PDE1C: variants seen among roughly 807,000 people sequenced by gnomAD.
The protein encoded by PDE1C is dual specificity calcium/calmodulin-dependent 3',5'-cyclic nucleotide phosphodiesterase 1C.
A neutral mutation model predicts 93.1 loss-of-function variants in PDE1C; 62 were observed. That is an observed-to-expected ratio of 0.67 (90% CI 0.54 to 0.82). PDE1C has a LOEUF of 0.82. PDE1C is among the 40% of genes least tolerant of loss of function. The pLI is 0.00. For synonymous variants in PDE1C, 325 were observed against 310.1 expected, an observed-to-expected ratio of 1.05 and a Z score of -0.50; for missense variants, 742 against 884.6, an observed-to-expected ratio of 0.84 and a Z score of 2.04.
At chr7:32,346,935 C>A (rs926381895) in intron 1 of PDE1C, among the ~76,000 whole-genome samples, 2 of 152,222 alleles carry the variant, frequency 1.3e-5, no homozygotes, top group African/African-American at 4.8e-5. Context: ...ACTGTAGGAA[C>A]AGGCATTGAG....
At chr7:31,876,548 C>A (rs1403523592) in intron 5 of PDE1C, among the ~76,000 whole-genome samples, 1 of 152,008 alleles carries the variant, frequency 6.6e-6, no homozygotes, top group Non-Finnish European at 1.5e-5. Flanking sequence ...TATTTATGTT[C>A]CCGATAAAGG....
intron 1 of PDE1C, among the ~76,000 whole-genome samples, chr7:32,319,112 TGCA>T (rs1035809346): frequency 1.3e-5 from 2 of 152,240 alleles, no homozygotes; most frequent in Admixed American, 1.3e-4. Context: ...ACCCGGGAGC[TGCA>T]GTCCTCCGCA....
chr7:32,166,055 A>T (rs923781197), intron 3 of PDE1C, among the ~76,000 whole-genome samples: 3 of 151,994 alleles, frequency 2.0e-5, no homozygotes, highest in African/African-American at 4.8e-5. Context: ...TGCCACCAAA[A>T]AAAAAAAAAG....
the PDE1C span, chr7:31,697,257 A>G: frequency 9.8e-7 from 1 of 1,016,718 alleles, no homozygotes; most frequent in African/African-American, 1.6e-5. Flanking sequence ...GAGAAGCCAC[A>G]CTCAGTGCTA....
chr7:31,675,363 T>G, the PDE1C span, among the ~76,000 whole-genome samples: 3 of 152,164 alleles, frequency 2.0e-5, no homozygotes, highest in Non-Finnish European at 4.4e-5. Flanking sequence ...TAGATCCTAC[T>G]CCTGGAGGCT....
At chr7:31,981,966 T>C (rs1393767673) in intron 2 of PDE1C, among the ~76,000 whole-genome samples, 2 of 152,224 alleles carry the variant, frequency 1.3e-5, no homozygotes, top group African/African-American at 4.8e-5. Context: ...TATTCCCAAA[T>C]ATATATTTTT....
At chr7:32,047,276 G>A (rs114012609) in intron 2 of PDE1C, among the ~76,000 whole-genome samples, 3 of 152,222 alleles carry the variant, frequency 2.0e-5, no homozygotes, top group African/African-American at 7.2e-5. Flanking sequence ...AGACATTTAT[G>A]AGTAAGCAGG....
exon 1 of PDE1C, chr7:32,298,738 C>T (rs746239342): frequency 8.2e-6 from 13 of 1,588,386 alleles, no homozygotes; most frequent in Admixed American, 1.8e-5. Flanking sequence ...TCCGTCATGG[C>T]TCGGCCGGCC....
intron 10 of PDE1C, 96 bp downstream of exon 10, chr7:31,837,774 G>A: frequency 1.3e-6 from 1 of 766,630 alleles, no homozygotes; most frequent in South Asian, 1.6e-5. Flanking sequence ...CTATAAAGTT[G>A]TGTTAAAGGA....
At chr7:32,086,630 C>T (rs1359454188) in intron 3 of PDE1C, among the ~76,000 whole-genome samples, 1 of 152,210 alleles carries the variant, frequency 6.6e-6, no homozygotes, top group Admixed American at 6.5e-5. Flanking sequence ...GTAACCAAAA[C>T]AGCATGGTAC....
At chr7:32,115,965 G>A (rs1403992848) in intron 3 of PDE1C, among the ~76,000 whole-genome samples, 1 of 152,060 alleles carries the variant, frequency 6.6e-6, no homozygotes, top group Non-Finnish European at 1.5e-5. Context: ...AGATGGCAGG[G>A]AAAAAATGGC....
chr7:32,070,509 T>C (rs943463756), upstream of PDE1C: 13 of 1,523,052 alleles, frequency 8.5e-6, no homozygotes, highest in East Asian at 7.0e-5. Flanking sequence ...TGCCCGGCAC[T>C]TTCTCGGCGC....
chr7:31,900,288 A>G (rs965565780), intron 2 of PDE1C, among the ~76,000 whole-genome samples: 2 of 152,190 alleles, frequency 1.3e-5, no homozygotes, highest in Non-Finnish European at 2.9e-5. Context: ...AATTACAAAT[A>G]CACAATAAAT....
intron 3 of PDE1C, among the ~76,000 whole-genome samples, chr7:32,113,779 C>T (rs1471227793): frequency 1.3e-5 from 2 of 151,872 alleles, no homozygotes; most frequent in Non-Finnish European, 2.9e-5. Context: ...TTTCTAATTT[C>T]TAAAATCCAT....
chr7:32,186,227 C>T (rs62456300), intron 2 of PDE1C, among the ~76,000 whole-genome samples: 3 of 151,422 alleles, frequency 2.0e-5, no homozygotes, highest in African/African-American at 7.3e-5. Context: ...CTCAGCCTCC[C>T]GAGTAGCTGG....
the PDE1C span, among the ~76,000 whole-genome samples, chr7:31,734,919 T>A: frequency 5.3e-5 from 8 of 152,322 alleles, no homozygotes; most frequent in South Asian, 1.7e-3. Flanking sequence ...TTGCCGAGAC[T>A]ATTTTAAAAG....
intron 7 of PDE1C, among the ~76,000 whole-genome samples, chr7:31,856,712 T>A (rs1794064723): frequency 6.7e-6 from 1 of 150,336 alleles, no homozygotes; most frequent in African/African-American, 2.5e-5. Context: ...CAAAGGCATA[T>A]TGTAGAAGCA....
At chr7:31,623,470 A>G in the PDE1C span, among the ~76,000 whole-genome samples, 1 of 151,980 alleles carries the variant, frequency 6.6e-6, no homozygotes, top group Non-Finnish European at 1.5e-5. Context: ...CAATAAATGT[A>G]ATCAAGCACA....
chr7:31,917,085 C>T (rs1802017103), intron 2 of PDE1C, among the ~76,000 whole-genome samples: 1 of 152,118 alleles, frequency 6.6e-6, no homozygotes, highest in Non-Finnish European at 1.5e-5. Flanking sequence ...GGCAGTACCC[C>T]TGGATGGGAA....
Sources: allele counts gnomAD v4.1 joint callset (sites outside exome capture counted in the v4.1 genomes callset), GRCh38; gene constraint gnomAD v4.1.1; transcripts MANE v1.5; gene names NCBI Gene and HGNC (gene_info 2026-07-23, HGNC 2026-07-21).